Variants in PDE10A observed in about 807,000 individuals in gnomAD.
The protein encoded by PDE10A is cAMP and cAMP-inhibited cGMP 3',5'-cyclic phosphodiesterase 10A.
PDE10A carries 39 observed loss-of-function variants against 97.7 expected under a neutral mutation model. That is an observed-to-expected ratio of 0.40 (90% CI 0.31 to 0.52). The LOEUF is 0.52. PDE10A is among the 20% of genes least tolerant of loss of function. The pLI, the probability that PDE10A is intolerant of heterozygous loss-of-function variation, is 0.56. For synonymous variants in PDE10A, 371 were observed against 376.8 expected (o/e 0.98, Z 0.18); for missense variants, 731 against 1,047.8 (o/e 0.70, Z 4.17).
intron 5 of PDE10A, among the ~76,000 whole-genome samples, chr6:165,444,713 GA>G (rs1231549040): frequency 6.6e-6 from 1 of 151,388 alleles, no homozygotes; most frequent in Non-Finnish European, 1.5e-5. Flanking sequence ...TGTTCTATGT[GA>G]AAAAAACACA....
chr6:165,531,716 A>G lies in PDE10A; in HGVS notation c.994+11724T>C, dbSNP rs6922996. Among the ~76,000 whole-genome samples, 528 of 152,148 alleles carry G rather than the reference A, an allele frequency of 3.5e-3. 1 individual carries two copies. Among genetic ancestry groups the G allele is most frequent in the African/African-American group, 0.012 (482 of 41,562 alleles). On this transcript the variant is annotated intron_variant, in intron 2 of 21. Coordinates refer to ENST00000539869, the MANE Select transcript of PDE10A (RefSeq NM_001385079.1). The stretch of plus-strand genomic sequence containing the variant: ...TTTTATTAGCATTTATGTGTTGATT[A>G]TTATCTCACAGAAAAGAATTATATA...
At chr6:165,714,625 G>A (rs781317988) in intron 1 of PDE10A, among the ~76,000 whole-genome samples, 7 of 152,218 alleles carry the variant, frequency 4.6e-5, no homozygotes, top group Non-Finnish European at 7.3e-5. Context: ...CATCCACAGG[G>A]GTGTCCCAGG....
At chr6:165,495,133 G>T (rs1780462931) in intron 2 of PDE10A, among the ~76,000 whole-genome samples, 1 of 152,106 alleles carries the variant, frequency 6.6e-6, no homozygotes, top group African/African-American at 2.4e-5. Flanking sequence ...TCTACTTCAT[G>T]CCAGACACCG....
intron 1 of PDE10A, among the ~76,000 whole-genome samples, chr6:165,584,116 T>A (rs953654135): frequency 6.6e-6 from 1 of 152,324 alleles, no homozygotes. Context: ...CCAAATCGTC[T>A]GTGTGATCTT....
intron 1 of PDE10A, among the ~76,000 whole-genome samples, chr6:165,875,015 T>C (rs935628085): frequency 9.9e-5 from 15 of 152,150 alleles, no homozygotes; most frequent in African/African-American, 2.9e-4. Context: ...AACATATATA[T>C]TTGAAGCAAA....
chr6:165,772,388 T>C (rs1778036374), intron 1 of PDE10A, among the ~76,000 whole-genome samples: 1 of 152,202 alleles, frequency 6.6e-6, no homozygotes, highest in Non-Finnish European at 1.5e-5. Context: ...ATCCTGACAC[T>C]TTCCCTCCTC....
At chr6:165,715,556 G>T (rs940800612) in intron 1 of PDE10A, among the ~76,000 whole-genome samples, 3 of 152,172 alleles carry the variant, frequency 2.0e-5, no homozygotes, top group African/African-American at 7.2e-5. Context: ...GGGAATGAAG[G>T]GGAGAAGGAG....
At chr6:165,608,777 T>C (rs542073313) in intron 1 of PDE10A, among the ~76,000 whole-genome samples, 83 of 152,344 alleles carry the variant, frequency 5.4e-4, no homozygotes, top group African/African-American at 1.9e-3. Context: ...GCACCTGTTA[T>C]TTCCTGACTT....
At chr6:165,524,124 C>T (rs373570552) in intron 2 of PDE10A, among the ~76,000 whole-genome samples, 3 of 152,204 alleles carry the variant, frequency 2.0e-5, no homozygotes, top group African/African-American at 7.2e-5. Context: ...ACTGACTCTC[C>T]TTGCTCCTCA....
chr6:165,480,710 G>C (rs528404305), intron 3 of PDE10A, among the ~76,000 whole-genome samples: 26 of 152,336 alleles, frequency 1.7e-4, no homozygotes, highest in Admixed American at 5.2e-4. Flanking sequence ...TTCTGTCAGG[G>C]ATGTGTTAGA....
chr6:165,840,244 G>C (rs912159754), intron 1 of PDE10A, among the ~76,000 whole-genome samples: 4 of 144,620 alleles, frequency 2.8e-5, no homozygotes, highest in African/African-American at 1.0e-4. Context: ...TTCATCCCCA[G>C]CTCCATCCTT....
intron 1 of PDE10A, among the ~76,000 whole-genome samples, chr6:165,728,339 A>G (rs1381869042): frequency 6.6e-6 from 1 of 152,160 alleles, no homozygotes; most frequent in Non-Finnish European, 1.5e-5. Context: ...GAGGGCACAC[A>G]TTTCAATGGA....
At chr6:165,592,947 G>C (rs980742822) in intron 1 of PDE10A, among the ~76,000 whole-genome samples, 4 of 152,130 alleles carry the variant, frequency 2.6e-5, no homozygotes, top group Non-Finnish European at 5.9e-5. Flanking sequence ...TCCCATTACT[G>C]GGTATATACC....
intron 1 of PDE10A, among the ~76,000 whole-genome samples, chr6:165,750,385 G>T (rs1204597533): frequency 6.6e-6 from 1 of 152,336 alleles, no homozygotes; most frequent in Admixed American, 6.5e-5. Context: ...CCAGCTCAGG[G>T]AGCAGGAGTC....
intron 1 of PDE10A, among the ~76,000 whole-genome samples, chr6:165,836,299 T>C (rs1016567720): frequency 6.6e-6 from 1 of 152,238 alleles, no homozygotes; most frequent in Non-Finnish European, 1.5e-5. Flanking sequence ...TTGAGGGTAC[T>C]TCTACCTTTC....
intron 3 of PDE10A, among the ~76,000 whole-genome samples, chr6:165,480,746 C>T (rs1779558789): frequency 6.6e-6 from 1 of 152,166 alleles, no homozygotes; most frequent in African/African-American, 2.4e-5. Context: ...CCAGTCACCA[C>T]CTACCAAAAG....
chr6:165,481,663 CTT>C (rs1339785565), intron 3 of PDE10A, among the ~76,000 whole-genome samples: 2 of 152,102 alleles, frequency 1.3e-5, no homozygotes. Context: ...TAATTAATCA[CTT>C]ATAATTTTAT....
intron 2 of PDE10A, among the ~76,000 whole-genome samples, chr6:165,494,554 T>C (rs705787): frequency 0.29 from 42,842 of 148,710 alleles, 6,513 homozygotes; most frequent in African/African-American, 0.38. Flanking sequence ...ATTTATTTAA[T>C]AAAGAAGAAA....
chr6:165,976,934 C>A (rs185331160), intron 1 of PDE10A, among the ~76,000 whole-genome samples: 364 of 152,328 alleles, frequency 2.4e-3, no homozygotes, highest in Non-Finnish European at 2.5e-3. Flanking sequence ...GCCTTGGAAT[C>A]GCACCCTCTG....
Sources: allele counts gnomAD v4.1 joint callset (sites outside exome capture counted in the v4.1 genomes callset), GRCh38; gene constraint gnomAD v4.1.1; transcripts MANE v1.5; gene names NCBI Gene and HGNC (gene_info 2026-07-23, HGNC 2026-07-21).